Variants in SLC35F4 observed in about 807,000 individuals in gnomAD.
The protein encoded by SLC35F4 is solute carrier family 35 member F4, also known as chromosome 14 open reading frame 36.
A neutral mutation model predicts 44.2 loss-of-function variants in SLC35F4; 24 were observed. The observed-to-expected ratio is 0.54, with a 90% CI of 0.39 to 0.76. SLC35F4 has a LOEUF of 0.76. Among genes scored for constraint, SLC35F4 ranks in the 30% least tolerant of loss-of-function variants. The pLI, the probability that SLC35F4 is intolerant of heterozygous loss-of-function variation, is 0.00. For synonymous variants in SLC35F4, 238 were observed against 223.6 expected (o/e 1.06, Z -0.57); for missense variants, 562 against 586.1 (o/e 0.96, Z 0.42).
intron 4 of SLC35F4, among the ~76,000 whole-genome samples, chr14:57,573,551 A>G (rs1037508476): frequency 6.6e-6 from 1 of 152,148 alleles, no homozygotes; most frequent in Non-Finnish European, 1.5e-5. Flanking sequence ...AGACTCATCA[A>G]TAAACACAGT....
intron 1 of SLC35F4, among the ~76,000 whole-genome samples, chr14:57,915,691 A>C (rs1889313962): frequency 6.6e-6 from 1 of 152,072 alleles, no homozygotes; most frequent in Non-Finnish European, 1.5e-5. Context: ...CCTTTACTTG[A>C]GTGTTCAGTA....
chr14:57,567,311 GA>G (rs148653198), intron 6 of SLC35F4, among the ~76,000 whole-genome samples: 2,091 of 152,282 alleles, frequency 0.014, 21 homozygotes, highest in Non-Finnish European at 0.021. Flanking sequence ...TATTCTCATA[GA>G]GTCTACTCAA....
intron 1 of SLC35F4, among the ~76,000 whole-genome samples, chr14:57,658,265 T>C (rs1169889034): frequency 1.3e-5 from 2 of 152,220 alleles, no homozygotes; most frequent in Non-Finnish European, 2.9e-5. Context: ...CAGTTAGCTA[T>C]GATATAATAT....
rs981833595 is a variant in SLC35F4 at position 57,937,336 on chromosome 14, G to A, written n.282+44577C>T. ...ACCTGCCTCAGCCTCCCAAAGTGCC[G>A]GGATTACAGGCGCGAGCCACCGCAC... On this transcript the variant is annotated intron_variant and non_coding_transcript_variant, in intron 1 of 1. Coordinates refer to the SLC35F4 transcript ENST00000556568. 3.3e-5 allele frequency among the ~76,000 whole-genome samples: 5 copies of A among 151,930 alleles called. No individual in the cohort carries two copies. In the East Asian group the frequency reaches 7.7e-4, roughly 24 times the overall value.
intron 1 of SLC35F4, among the ~76,000 whole-genome samples, chr14:57,793,315 G>A (rs761313248): frequency 6.6e-6 from 1 of 151,842 alleles, no homozygotes; most frequent in East Asian, 1.9e-4. Flanking sequence ...AAACTGTACA[G>A]TGGTGAAGAC....
chr14:57,595,173 T>A (rs985913855), intron 1 of SLC35F4, among the ~76,000 whole-genome samples: 4 of 152,252 alleles, frequency 2.6e-5, no homozygotes, highest in African/African-American at 9.6e-5. Flanking sequence ...TTGTTCAGTC[T>A]TGTTTATCAT....
At chr14:57,982,418 A>G (rs1487029246), upstream of SLC35F4, among the ~76,000 whole-genome samples, 1 of 152,202 alleles carries the variant, frequency 6.6e-6, no homozygotes, top group African/African-American at 2.4e-5. Context: ...GGCACCAGCT[A>G]TGTCCACAGC....
At chr14:57,879,460 C>T (rs527468254) in intron 1 of SLC35F4, among the ~76,000 whole-genome samples, 1 of 152,010 alleles carries the variant, frequency 6.6e-6, no homozygotes, top group Non-Finnish European at 1.5e-5. Flanking sequence ...AATAGGGTTC[C>T]CTGCTCTTAC....
intron 1 of SLC35F4, among the ~76,000 whole-genome samples, chr14:57,627,720 C>T (rs1007033194): frequency 1.3e-5 from 2 of 151,992 alleles, no homozygotes; most frequent in African/African-American, 4.8e-5. Context: ...CTTGTTCCCG[C>T]ATTAAGTAAA....
intron 1 of SLC35F4, among the ~76,000 whole-genome samples, chr14:57,743,463 T>C (rs1207287528): frequency 2.0e-5 from 3 of 152,004 alleles, no homozygotes; most frequent in Non-Finnish European, 4.4e-5. Flanking sequence ...ACAAATAAAC[T>C]AAAAAATCTA....
chr14:57,761,351 T>C lies in SLC35F4; in HGVS notation c.103+104372A>G, dbSNP rs183863069. 6.6e-3 allele frequency among the ~76,000 whole-genome samples: 1,001 copies of C among 152,300 alleles called. 14 individuals carry two copies. Among genetic ancestry groups the C allele is most frequent in the African/African-American group, 0.023 (944 of 41,570 alleles). ...AGGGGAAACTGTTTACTTTCTAGAA[T>C]ATCTACTATTATTTTAAAAATCCTA... On this transcript the variant is annotated intron_variant, in intron 1 of 7. Transcript: ENST00000556826.
At chr14:57,597,745 T>C (rs970043051) in intron 1 of SLC35F4, among the ~76,000 whole-genome samples, 2 of 152,104 alleles carry the variant, frequency 1.3e-5, no homozygotes, top group Non-Finnish European at 2.9e-5. Context: ...TAGAAGCAAA[T>C]AGTCAGAGGC....
At chr14:57,746,602 GT>G (rs2076760620) in intron 1 of SLC35F4, among the ~76,000 whole-genome samples, 1 of 151,728 alleles carries the variant, frequency 6.6e-6, no homozygotes, top group Non-Finnish European at 1.5e-5. Context: ...GTATGTAATT[GT>G]TTTTTCTTGT....
chr14:57,676,115 G>A (rs1336017707), intron 1 of SLC35F4, among the ~76,000 whole-genome samples: 5 of 152,030 alleles, frequency 3.3e-5, no homozygotes, highest in African/African-American at 9.7e-5. Context: ...AAATCAGCAA[G>A]AGAAAAACAA....
At chr14:57,572,369 G>A (rs774497208) in intron 4 of SLC35F4, among the ~76,000 whole-genome samples, 7 of 151,988 alleles carry the variant, frequency 4.6e-5, no homozygotes, top group South Asian at 2.1e-4. Context: ...ACTTCTAAGC[G>A]TTTTCATCTC....
At chr14:57,708,832 A>G (rs1044916881) in intron 1 of SLC35F4, among the ~76,000 whole-genome samples, 8 of 152,082 alleles carry the variant, frequency 5.3e-5, no homozygotes, top group African/African-American at 1.7e-4. Flanking sequence ...GCCATCTCCA[A>G]TGATAGGTAA....
At chr14:57,690,817 G>C (rs939933539) in intron 1 of SLC35F4, among the ~76,000 whole-genome samples, 9 of 152,060 alleles carry the variant, frequency 5.9e-5, no homozygotes. Flanking sequence ...GCTCCTGTGA[G>C]ATTCTAATGC....
At chr14:57,610,323 G>C (rs950480581) in intron 1 of SLC35F4, among the ~76,000 whole-genome samples, 2 of 152,260 alleles carry the variant, frequency 1.3e-5, no homozygotes, top group East Asian at 3.9e-4. Context: ...AGCCTGGAGG[G>C]TGTGAGAAAC....
At chr14:57,671,025 C>T (rs1339823852) in intron 1 of SLC35F4, among the ~76,000 whole-genome samples, 1 of 151,560 alleles carries the variant, frequency 6.6e-6, no homozygotes, top group African/African-American at 2.4e-5. Context: ...CTGCCTCAGC[C>T]TCCTGAGTAG....
Sources: allele counts gnomAD v4.1 joint callset (sites outside exome capture counted in the v4.1 genomes callset), GRCh38; gene constraint gnomAD v4.1.1; transcripts MANE v1.5; gene names NCBI Gene and HGNC (gene_info 2026-07-23, HGNC 2026-07-21).